Variants in TMPRSS7 observed in about 807,000 individuals in gnomAD.
TMPRSS7 encodes transmembrane protease serine 7.
A neutral mutation model predicts 95.6 loss-of-function variants in TMPRSS7; 81 were observed. The ratio of observed to expected loss-of-function variants is 0.85; its 90% confidence interval spans 0.71 to 1.02. The LOEUF (loss-of-function observed/expected upper bound fraction) is 1.02, where lower values mean the gene tolerates loss of function less well. Ranked by LOEUF, TMPRSS7 falls within the 50% of genes least tolerant of loss-of-function variation. The probability of loss-of-function intolerance (pLI) is 0.00; values close to 1 mark genes in which losing one functional copy is unlikely to be tolerated. For synonymous variants in TMPRSS7, 364 were observed against 337.8 expected, an observed-to-expected ratio of 1.08 and a Z score of -0.85; for missense variants, 945 against 955.2, an observed-to-expected ratio of 0.99 and a Z score of 0.14.
intron 12 of TMPRSS7, 48 bp from the exon 13 acceptor site, chr3:112,066,344 G>C: frequency 6.5e-7 from 1 of 1,546,116 alleles, no homozygotes. Flanking sequence ...AGAGAACCCA[G>C]CTGGTGTCTC....
At chr3:112,048,653 A>G (rs1379228159) in intron 7 of TMPRSS7, among the ~76,000 whole-genome samples, 2 of 152,194 alleles carry the variant, frequency 1.3e-5, no homozygotes, top group East Asian at 3.8e-4. Context: ...AACCGTGTCT[A>G]TGGATGTATG....
At chr3:112,067,813 A>G (rs975047285) in intron 13 of TMPRSS7, among the ~76,000 whole-genome samples, 1 of 152,248 alleles carries the variant, frequency 6.6e-6, no homozygotes, top group East Asian at 1.9e-4. Flanking sequence ...TTCTTTTGCC[A>G]TGCAGAAGCT....
chr3:112,076,838 T>C, intron 15 of TMPRSS7, 38 bp from the exon 16 acceptor site: 1 of 1,597,016 alleles, frequency 6.3e-7, no homozygotes, highest in Non-Finnish European at 8.5e-7. Flanking sequence ...TGTGGTTCTT[T>C]AAGCTGCTAA....
intron 11 of TMPRSS7, among the ~76,000 whole-genome samples, 165 bp from the exon 12 acceptor site, chr3:112,063,360 G>T (rs1043716669): frequency 6.6e-6 from 1 of 152,164 alleles, no homozygotes; most frequent in African/African-American, 2.4e-5. Flanking sequence ...CCGCTTTTTT[G>T]TCTTTCAATG....
chr3:112,038,762 G>A (rs1021910798), intron 2 of TMPRSS7, among the ~76,000 whole-genome samples: 3 of 152,050 alleles, frequency 2.0e-5, no homozygotes, highest in Non-Finnish European at 4.4e-5. Context: ...GATTACAGGC[G>A]TGAACCATGG....
At chr3:112,052,912 A>T (rs2107745702) in intron 9 of TMPRSS7, among the ~76,000 whole-genome samples, 1 of 145,192 alleles carries the variant, frequency 6.9e-6, no homozygotes, top group East Asian at 2.0e-4. Flanking sequence ...GTTGGGGGTG[A>T]GAAATGCTGA....
At chr3:112,050,546 T>G (rs906233615) in intron 8 of TMPRSS7, 125 bp from the exon 9 acceptor site, 4 of 238,966 alleles carry the variant, frequency 1.7e-5, no homozygotes, top group African/African-American at 1.4e-4. Flanking sequence ...AAACCCAAAG[T>G]TTAAGAAATG....
chr3:112,043,415 G>A (rs2073237143), intron 3 of TMPRSS7, among the ~76,000 whole-genome samples: 1 of 152,078 alleles, frequency 6.6e-6, no homozygotes, highest in Non-Finnish European at 1.5e-5. Flanking sequence ...TCCCAAGGAG[G>A]TGGGTGTTTT....
intron 3 of TMPRSS7, 82 bp from the exon 4 acceptor site, chr3:112,044,173 A>G: frequency 1.1e-6 from 1 of 938,246 alleles, no homozygotes. Context: ...TGGCTGTCAG[A>G]GCTTGGGCCT....
intron 11 of TMPRSS7, 46 bp from the exon 12 acceptor site, chr3:112,063,479 G>A (rs1455305534): frequency 5.5e-6 from 8 of 1,457,798 alleles, no homozygotes; most frequent in South Asian, 4.6e-5. Flanking sequence ...GTGATTTCAG[G>A]GATCTATCCA....
At chr3:112,080,577 C>CCAT (rs2073767475) in intron 17 of TMPRSS7, among the ~76,000 whole-genome samples, 2 of 151,032 alleles carry the variant, frequency 1.3e-5, no homozygotes, top group Admixed American at 1.3e-4. Context: ...ACTATTACCA[C>CCAT]CACCACCACC....
intron 5 of TMPRSS7, among the ~76,000 whole-genome samples, chr3:112,046,549 T>G (rs1257063852): frequency 6.6e-6 from 1 of 152,154 alleles, no homozygotes; most frequent in Non-Finnish European, 1.5e-5. Context: ...ACACATACAC[T>G]AGGCATATGG....
rs965305849 is a variant in TMPRSS7, at chr3:112,062,028, C to A, written c.1447+105C>A. On this transcript the variant is annotated intron_variant, in intron 11 of 17. Transcript: ENST00000452346. ...TTAAGAAATGAATACTGCTTTATTT[C>A]TGCTATTTCCTTTTACATACTTATT... 8.1e-6 allele frequency: 6 copies of A among 744,362 alleles called. No homozygotes were observed. In the African/African-American group the frequency reaches 9.3e-5, roughly 12 times the overall value. The allele number at this position is 744,362 out of a possible 1,614,324, so 46.1% of individuals were successfully genotyped here. A position where few individuals can be genotyped will look rare whatever the true frequency, so the allele number is the denominator to read the frequency against.
At chr3:112,040,286 G>A (rs2073192630) in intron 2 of TMPRSS7, among the ~76,000 whole-genome samples, 1 of 152,194 alleles carries the variant, frequency 6.6e-6, no homozygotes, top group African/African-American at 2.4e-5. Context: ...GCTCACAGAT[G>A]CATTTTCTAC....
exon 8 of TMPRSS7, chr3:112,049,952 T>C: frequency 6.4e-7 from 1 of 1,572,474 alleles, no homozygotes; most frequent in Non-Finnish European, 8.7e-7. Flanking sequence ...TCCGGGCATA[T>C]TTTGAGGTCA....
intron 12 of TMPRSS7, among the ~76,000 whole-genome samples, chr3:112,065,600 T>C (rs1466639008): frequency 1.3e-5 from 2 of 152,088 alleles, no homozygotes; most frequent in African/African-American, 4.8e-5. Flanking sequence ...TCTCTAAGAG[T>C]CCATTAGGTA....
At chr3:112,068,895 T>A (rs2073608728) in intron 13 of TMPRSS7, among the ~76,000 whole-genome samples, 1 of 152,232 alleles carries the variant, frequency 6.6e-6, no homozygotes. Context: ...ATCTTTGTCT[T>A]GGGCCAGTTT....
chr3:112,080,158 C>T (rs1428505775), intron 17 of TMPRSS7, among the ~76,000 whole-genome samples: 1 of 152,126 alleles, frequency 6.6e-6, no homozygotes, highest in Non-Finnish European at 1.5e-5. Flanking sequence ...AGATTATCTA[C>T]CCTCTAAAAT....
At chr3:112,067,577 C>T (rs1380085958) in intron 13 of TMPRSS7, among the ~76,000 whole-genome samples, 12 of 152,170 alleles carry the variant, frequency 7.9e-5, no homozygotes, top group Admixed American at 2.0e-4. Context: ...TCTCTGATGA[C>T]CAGTGATGAT....
Sources: allele counts gnomAD v4.1 joint callset (sites outside exome capture counted in the v4.1 genomes callset), GRCh38; gene constraint gnomAD v4.1.1; transcripts MANE v1.5; gene names NCBI Gene and HGNC (gene_info 2026-07-23, HGNC 2026-07-21).